Variants in CCDC40 observed in about 807,000 individuals in gnomAD.
CCDC40 encodes coiled-coil domain-containing protein 40.
CCDC40 carries 104 observed loss-of-function variants against 124.5 expected under a neutral mutation model. That is an observed-to-expected ratio of 0.84 (90% CI 0.71 to 0.98). The LOEUF (loss-of-function observed/expected upper bound fraction) is 0.98. Among genes scored for constraint, CCDC40 ranks in the 50% least tolerant of loss-of-function variants. CCDC40 has a pLI of 0.00. For missense variants in CCDC40, 1,463 were observed against 1,503.9 expected, an observed-to-expected ratio of 0.97 and a Z score of 0.45; for synonymous variants, 580 against 602.9, an observed-to-expected ratio of 0.96 and a Z score of 0.56.
intron 10 of CCDC40, among the ~76,000 whole-genome samples, chr17:80,081,200 C>T (rs920050964): frequency 4.0e-5 from 6 of 151,890 alleles, no homozygotes; most frequent in African/African-American, 7.3e-5. Context: ...CTGGGCAACA[C>T]GGTGAAACCC....
At chr17:80,067,416 G>A (rs934955452) in intron 10 of CCDC40, 11 of 640,602 alleles carry the variant, frequency 1.7e-5, no homozygotes, top group South Asian at 3.6e-5. Context: ...AAGCATATGC[G>A]TTCACCCGGA....
At chr17:80,037,908 C>G (rs1408373674) in intron 1 of CCDC40, 1 of 487,488 alleles carries the variant, frequency 2.1e-6, no homozygotes, top group African/African-American at 2.0e-5. Flanking sequence ...ATTTTTCATT[C>G]ATTCATGGAG....
At position 80,099,942 on chromosome 17, in the gene CCDC40, C is replaced by T. The variant is rs60710875; in HGVS notation, c.*167C>T. 2.8e-6 allele frequency: 2 copies of T among 721,196 alleles called. No homozygotes were observed. The highest frequency in any genetic ancestry group is 2.7e-5 in the Admixed American group (1 of 36,834). 44.7% of individuals were successfully genotyped at this position (721,196 alleles called of 1,614,324 possible). ...CCACCCATAGGAATCTTTTTAGCCA[C>T]TCAGCAATTTAATAAACCAGGTAAA... is the stretch of plus-strand genomic sequence containing the variant. On this transcript the variant is annotated 3_prime_UTR_variant, in exon 20 of 20. Coordinates refer to ENST00000397545, the MANE Select transcript of CCDC40 (RefSeq NM_017950.4).
At chr17:80,088,150 C>A (rs2038629601) in intron 16 of CCDC40, 48 bp downstream of exon 16, 3 of 1,285,416 alleles carry the variant, frequency 2.3e-6, no homozygotes, top group African/African-American at 2.9e-5. Context: ...GTCACTGCAC[C>A]TACAGGCCTC....
rs2143733765 is a variant in CCDC40 at position 80,081,541 on chromosome 17, T to C, written c.1563-5T>C. On this transcript the variant is annotated splice_polypyrimidine_tract_variant and splice_region_variant and intron_variant, in intron 10 of 19. Transcript: ENST00000397545. ...TAACTGGCTCTCCCCGCTGCATTTC[T>C]ACAGAGGATGCCAGCATCAAGCCAA... The C allele has an allele frequency of 6.2e-7, 1 of 1,613,416 alleles. No individual in the cohort carries two copies. Among genetic ancestry groups the C allele is most frequent in the South Asian group, 1.1e-5 (1 of 91,082 alleles).
intron 10 of CCDC40, among the ~76,000 whole-genome samples, chr17:80,078,187 C>T (rs1025190110): frequency 1.2e-4 from 18 of 151,712 alleles, no homozygotes; most frequent in South Asian, 4.2e-4. Flanking sequence ...AAAAATTAGC[C>T]GGGCGTGGTG....
intron 10 of CCDC40, among the ~76,000 whole-genome samples, chr17:80,080,790 C>G (rs2038429030): frequency 6.6e-6 from 1 of 152,072 alleles, no homozygotes; most frequent in South Asian, 2.1e-4. Flanking sequence ...AAATAATAGT[C>G]AAGATTTGGC....
At chr17:80,040,618 G>A in intron 3 of CCDC40, 3 of 323,212 alleles carry the variant, frequency 9.3e-6, no homozygotes, top group South Asian at 9.2e-5. Flanking sequence ...GGCGGAGGCT[G>A]CAGTGAGCCA....
chr17:80,042,860 TTG>T (rs1267635115), intron 3 of CCDC40, among the ~76,000 whole-genome samples: 6 of 3,384 alleles, frequency 1.8e-3, no homozygotes, highest in African/African-American at 0.01. Flanking sequence ...TGTTGTTGGG[TTG>T]TTTTTTTTTT....
chr17:80,095,425 C>A lies in CCDC40; in HGVS notation c.2995C>A (p.Arg999Ser), dbSNP rs546342011. ...CTTCCACCACAAGCAGCTTGAGCTG[C>A]GCCGGAAAATCAGGGACGTTCGCAA... ...TDFHHKQLELRRKIRDVRKAT... is the reference protein window; with the variant it reads ...TDFHHKQLELSRKIRDVRKAT... The change falls in exon 18 of 20, where the codon CGC (arginine) becomes AGC (serine). Residue 999 changes from arginine to serine, a missense_variant. By Grantham distance (110) the Arg-to-Ser change is moderately radical. Coordinates refer to ENST00000397545, the MANE Select transcript of CCDC40 (RefSeq NM_017950.4). 8 of 1,614,162 alleles carry A rather than the reference C, an allele frequency of 5.0e-6. No homozygotes were observed. Among genetic ancestry groups the A allele is most frequent in the Non-Finnish European group, 6.8e-6 (8 of 1,180,046 alleles).
At chr17:80,091,302 T>TACACACACAC (rs71163919) in intron 17 of CCDC40, among the ~76,000 whole-genome samples, 7 of 139,630 alleles carry the variant, frequency 5.0e-5, no homozygotes, top group South Asian at 2.4e-4. Context: ...ACCAGTAGAC[T>TACACACACAC]ACACACACAC....
intron 3 of CCDC40, among the ~76,000 whole-genome samples, chr17:80,041,369 G>A (rs1221194875): frequency 1.3e-5 from 2 of 152,098 alleles, no homozygotes; most frequent in South Asian, 2.1e-4. Context: ...TTAGCTGGAC[G>A]TGGTGGTGCA....
At position 80,059,035 on chromosome 17, in the gene CCDC40, A is replaced by G. The variant is rs1010986971; in HGVS notation, c.1440+55A>G. ...TCGACCCTCCAGTGAGTGTCCACGC[A>G]CAGGGTGCTGGTGGGTCTACTAGAC... On this transcript the variant is annotated intron_variant, in intron 9 of 19. Coordinates refer to ENST00000397545, the MANE Select transcript of CCDC40 (RefSeq NM_017950.4). 4.3e-6 allele frequency: 7 copies of G among 1,609,384 alleles called. No homozygotes were observed. The African/African-American group carries it at 6.7e-5, about 15-fold the overall frequency.
chr17:80,094,842 C>T (rs540763480), intron 17 of CCDC40, among the ~76,000 whole-genome samples: 67 of 152,294 alleles, frequency 4.4e-4, no homozygotes, highest in Non-Finnish European at 7.8e-4. Context: ...ACAACCCAGT[C>T]CCCAGCCCCA....
chr17:80,090,241 GCAC>G lies in CCDC40; in HGVS notation c.2832+358_2832+360del. The G allele has an allele frequency of 3.4e-6, 3 of 877,902 alleles. 1 individual carries two copies. The highest frequency in any genetic ancestry group is 4.1e-5 in the South Asian group (2 of 48,360). 54.4% of individuals were successfully genotyped at this position (877,902 alleles called of 1,614,324 possible). On this transcript the variant is annotated intron_variant, in intron 17 of 19. Coordinates refer to ENST00000397545, the MANE Select transcript of CCDC40 (RefSeq NM_017950.4). ...GAACACGGGACGCGCGCAGGCACGT[GCAC>G]GAACAACACGGGACGCGCGCGGGCA...
intron 13 of CCDC40, among the ~76,000 whole-genome samples, chr17:80,085,780 C>T (rs994849197): frequency 6.6e-5 from 10 of 151,522 alleles, no homozygotes; most frequent in African/African-American, 1.2e-4. Context: ...AGCGATTCTC[C>T]TGCCTCAGCC....
intron 11 of CCDC40, 40 bp downstream of exon 11, chr17:80,081,829 G>C (rs373309118): frequency 1.9e-6 from 3 of 1,613,908 alleles, no homozygotes; most frequent in Non-Finnish European, 2.5e-6. Context: ...CCTGGCGCAC[G>C]GTGGTGCCTC....
In CCDC40 at chr17:80,066,744, T is replaced by C. The variant is rs8080669; in HGVS notation, c.1562+1138T>C. On this transcript the variant is annotated intron_variant, in intron 10 of 19. Transcript: ENST00000397545. This position sits in a 1 kb window ranked among gnomAD's most constrained non-coding sequence, Gnocchi z 4.4. ...GCCTGGGAGACAGAGCAAGACTCTG[T>C]CTCAAAAAAAATAAAAATAATAATA... 16,427 of 152,368 alleles carry C rather than the reference T, an allele frequency of 0.11. 2,777 individuals are homozygous for C. The highest frequency in any genetic ancestry group is 0.37 in the African/African-American group (15,140 of 41,332). The allele number at this position is 152,368 out of a possible 1,614,324, so 9.4% of individuals were successfully genotyped here.
chr17:80,050,897 G>A (rs1385377069), intron 7 of CCDC40, among the ~76,000 whole-genome samples: 6 of 152,318 alleles, frequency 3.9e-5, no homozygotes, highest in Non-Finnish European at 7.3e-5. Context: ...CGGGGGTGAT[G>A]GAGGGTTTCA....
Sources: gnomAD v4.1 joint callset for allele counts (sites outside exome capture counted in the v4.1 genomes callset) on GRCh38, gnomAD v4.1.1 for gene constraint, Gnocchi (gnomAD v3.1) non-coding constraint, MANE v1.5 for transcripts, NCBI Gene and HGNC (gene_info 2026-07-23, HGNC 2026-07-21) for gene names.